Variants in PCDHA3 observed in about 807,000 individuals in gnomAD.
PCDHA3 encodes the protein protocadherin alpha-3.
A neutral mutation model predicts 62.2 loss-of-function variants in PCDHA3; 41 were observed. That is an observed-to-expected ratio of 0.66 (90% CI 0.51 to 0.86). The LOEUF (loss-of-function observed/expected upper bound fraction) is 0.86, where lower values mean the gene tolerates loss of function less well. Ranked by LOEUF, PCDHA3 falls within the 40% of genes least tolerant of loss-of-function variation. The probability of loss-of-function intolerance (pLI) is 0.00; values close to 1 mark genes in which losing one functional copy is unlikely to be tolerated. For missense variants in PCDHA3, 1,304 were observed against 1,241.2 expected, an observed-to-expected ratio of 1.05 and a Z score of -0.76; for synonymous variants, 640 against 555.4, an observed-to-expected ratio of 1.15 and a Z score of -2.14.
intron 1 of PCDHA3, chr5:140,836,354 C>A (rs2150258506): frequency 1.2e-6 from 2 of 1,613,672 alleles, no homozygotes; most frequent in Admixed American, 3.3e-5. Flanking sequence ...ACGGGGAGCC[C>A]TCGCTGACAG....
intron 1 of PCDHA3, among the ~76,000 whole-genome samples, chr5:140,955,016 T>C (rs1389069329): frequency 6.6e-6 from 1 of 152,226 alleles, no homozygotes; most frequent in Admixed American, 6.5e-5. Context: ...CCCAGCACCA[T>C]TTATTAAATA....
intron 3 of PCDHA3, among the ~76,000 whole-genome samples, chr5:140,993,468 A>T (rs1327306188): frequency 7.2e-5 from 5 of 69,412 alleles, no homozygotes; most frequent in Non-Finnish European, 1.2e-4. Flanking sequence ...TTTCTCACAC[A>T]CACACACACA....
chr5:140,836,804 T>C, intron 1 of PCDHA3: 1 of 1,321,042 alleles, frequency 7.6e-7, no homozygotes, highest in East Asian at 2.4e-5. Flanking sequence ...CTCCTTAAAT[T>C]TTCTTTCATA....
intron 1 of PCDHA3, among the ~76,000 whole-genome samples, chr5:140,957,228 T>C (rs1189952927): frequency 6.6e-6 from 1 of 152,148 alleles, no homozygotes; most frequent in Non-Finnish European, 1.5e-5. Flanking sequence ...TGGCGAAGCA[T>C]TTTGGCATGT....
At chr5:140,971,292 T>C (rs1194622162) in intron 1 of PCDHA3, among the ~76,000 whole-genome samples, 1 of 152,210 alleles carries the variant, frequency 6.6e-6, no homozygotes, top group Non-Finnish European at 1.5e-5. Flanking sequence ...TAATATGTAC[T>C]TTGGTACACA....
chr5:140,842,246 G>C (rs1289361551), intron 1 of PCDHA3: 13 of 1,611,852 alleles, frequency 8.1e-6, no homozygotes, highest in Non-Finnish European at 1.1e-5. Flanking sequence ...GGGTAATTTG[G>C]ATTTTGAACA....
chr5:140,829,050 T>G (rs1554131730), intron 1 of PCDHA3: 2 of 1,613,108 alleles, frequency 1.2e-6, no homozygotes. Flanking sequence ...AAAATCCTCA[T>G]TGACGCCACG....
chr5:140,898,114 G>A (rs367767804), intron 1 of PCDHA3, among the ~76,000 whole-genome samples: 18 of 151,862 alleles, frequency 1.2e-4, no homozygotes, highest in Non-Finnish European at 2.4e-4. Context: ...AGTAGGTTGC[G>A]AAAATTTTCT....
At chr5:140,827,850 A>C in intron 1 of PCDHA3, 4 of 489,030 alleles carry the variant, frequency 8.2e-6, no homozygotes, top group Non-Finnish European at 1.4e-5. Context: ...ATACTGTTTT[A>C]AAAATATATG....
intron 1 of PCDHA3, among the ~76,000 whole-genome samples, chr5:140,901,931 C>G (rs2068990642): frequency 6.6e-6 from 1 of 151,430 alleles, no homozygotes; most frequent in Non-Finnish European, 1.5e-5. Context: ...TGGTTAATTC[C>G]TAGGTATATT....
intron 1 of PCDHA3, among the ~76,000 whole-genome samples, chr5:140,971,478 A>C (rs111781444): frequency 3.5e-4 from 53 of 152,260 alleles, no homozygotes; most frequent in African/African-American, 1.3e-3. Flanking sequence ...AGAGAGTGTC[A>C]CATTGTTACA....
chr5:140,857,909 T>C (rs1554150840), intron 1 of PCDHA3: 1 of 1,597,744 alleles, frequency 6.3e-7, no homozygotes, highest in Non-Finnish European at 8.6e-7. Flanking sequence ...ACGCATCCCG[T>C]TTCGCGTGGG....
At chr5:140,849,677 C>A (rs2150445032) in intron 1 of PCDHA3, 1 of 1,598,728 alleles carries the variant, frequency 6.3e-7, no homozygotes, top group East Asian at 2.2e-5. Flanking sequence ...CCCACGTCCC[C>A]TTCAAGCTGG....
In PCDHA3 at chr5:140,877,160, C is replaced by A. The variant is rs782531082; in HGVS notation, c.2394+73569C>A. 4 of 1,613,814 alleles carry A rather than the reference C, an allele frequency of 2.5e-6. No individual in the cohort carries two copies. Among genetic ancestry groups the A allele is most frequent in the African/African-American group, 2.7e-5 (2 of 75,052 alleles). On this transcript the variant is annotated intron_variant, in intron 1 of 3. Transcript: ENST00000522353. ...GTGCTGGACGAGAACGACAACGCGC[C>A]GGCACTGCTGGCGACTCCGGCTGGC...
rs2150253350 is a variant in PCDHA3 at position 140,836,122 on chromosome 5, T to C, written c.2394+32531T>C. Reference sequence around the variant, plus strand: ...GGCACTGGTGGCGCAGTGAGAGAGCTTGTGCCGCGGTCTGTGGGCGCGGGC... The same window carrying C: ...GGCACTGGTGGCGCAGTGAGAGAGCCTGTGCCGCGGTCTGTGGGCGCGGGC... On this transcript the variant is annotated intron_variant, in intron 1 of 3. Transcript: ENST00000522353. 2.0e-5 allele frequency: 32 copies of C among 1,613,580 alleles called. 2 individuals are homozygous for C. The Admixed American group carries it at 3.3e-4, about 17-fold the overall frequency.
intron 1 of PCDHA3, chr5:140,881,407 A>G (rs2058705270): frequency 1.0e-6 from 1 of 956,680 alleles, no homozygotes; most frequent in South Asian, 4.8e-5. Flanking sequence ...TATTAAATCA[A>G]TAGGATATTA....
intron 1 of PCDHA3, chr5:140,870,035 A>G (rs1490530166): frequency 1.2e-6 from 2 of 1,613,656 alleles, no homozygotes; most frequent in African/African-American, 2.7e-5. Context: ...GATTATGAAG[A>G]AAACAAGTTT....
chr5:140,999,822 T>C (rs1389164136), intron 3 of PCDHA3, among the ~76,000 whole-genome samples: 3 of 152,222 alleles, frequency 2.0e-5, no homozygotes, highest in Non-Finnish European at 4.4e-5. Context: ...GAGCTGTGGC[T>C]TTAAAAATAT....
intron 1 of PCDHA3, chr5:140,881,399 T>C (rs2058702396): frequency 1.0e-6 from 1 of 975,460 alleles, no homozygotes; most frequent in Non-Finnish European, 1.2e-6. Flanking sequence ...TTAAATTCTA[T>C]TAAATCAATA....
Sources: gnomAD v4.1 joint callset for allele counts (sites outside exome capture counted in the v4.1 genomes callset) on GRCh38, gnomAD v4.1.1 for gene constraint, MANE v1.5 for transcripts, NCBI Gene and HGNC (gene_info 2026-07-23, HGNC 2026-07-21) for gene names.